The following NCKAP5 variants were observed in gnomAD, a reference collection of about 807,000 sequenced individuals.
NCKAP5 encodes the protein NCK associated protein 5.
A neutral mutation model predicts 167.0 loss-of-function variants in NCKAP5; 92 were observed. That is an observed-to-expected ratio of 0.55 (90% CI 0.47 to 0.66). The LOEUF (loss-of-function observed/expected upper bound fraction) is 0.66. Ranked by LOEUF, NCKAP5 falls within the 30% of genes least tolerant of loss-of-function variation. The pLI, the probability that NCKAP5 is intolerant of heterozygous loss-of-function variation, is 0.00. For missense variants in NCKAP5, 2,378 were observed against 2,315.0 expected, an observed-to-expected ratio of 1.03 and a Z score of -0.56; for synonymous variants, 891 against 877.4, an observed-to-expected ratio of 1.02 and a Z score of -0.27.
At chr2:133,611,673 T>A in the NCKAP5 span, among the ~76,000 whole-genome samples, 2 of 152,164 alleles carry the variant, frequency 1.3e-5, no homozygotes, top group African/African-American at 4.8e-5. Flanking sequence ...AAAGGCTGGG[T>A]GGGGTGTGGC....
intron 19 of NCKAP5, among the ~76,000 whole-genome samples, chr2:132,695,281 C>T (rs562523384): frequency 4.7e-5 from 7 of 150,232 alleles, no homozygotes; most frequent in East Asian, 1.9e-4. Context: ...TTTCTCTAAA[C>T]GGAAAAAAAA....
At chr2:133,385,535 T>C (rs1453923494) in intron 3 of NCKAP5, among the ~76,000 whole-genome samples, 1 of 152,232 alleles carries the variant, frequency 6.6e-6, no homozygotes, top group Non-Finnish European at 1.5e-5. Flanking sequence ...CTGCCAGGCC[T>C]GGGTATCAGG....
intron 16 of NCKAP5, among the ~76,000 whole-genome samples, chr2:132,752,630 T>A (rs1404903018): frequency 6.6e-6 from 1 of 152,228 alleles, no homozygotes; most frequent in Non-Finnish European, 1.5e-5. Flanking sequence ...CTTCCTCTAG[T>A]TGATATTCTA....
At chr2:132,840,549 T>G (rs1249495693) in intron 11 of NCKAP5, among the ~76,000 whole-genome samples, 1 of 152,176 alleles carries the variant, frequency 6.6e-6, no homozygotes, top group African/African-American at 2.4e-5. Context: ...AGTGCTGGGA[T>G]TACAGGTGTA....
rs1683400901 is a variant in NCKAP5, at chr2:132,784,776, T to C, written c.2035A>G (p.Ile679Val). Residue 679 changes from isoleucine (I) to valine (V), a missense_variant, in exon 14 of 20, where the codon ATT (isoleucine) becomes GTT (valine). Around this residue, in one of 3 missense-constraint regions of NCKAP5, gnomAD observed 1,049 missense variants for 1,023.4 expected, o/e 1.02. Transcript: ENST00000409261. ...VIFDAEDGEP[I>V]EFSSHQTGVV... ...CCAGTCTGGTGAGAGCTGAATTCAA[T>C]GGGCTCACCGTCTTCCGCATCAAAT... The C allele has an allele frequency of 2.5e-6, 4 of 1,610,988 alleles. No homozygotes were observed. Among genetic ancestry groups the C allele is most frequent in the African/African-American group, 1.3e-5 (1 of 74,830 alleles).
chr2:132,813,664 C>T (rs1034364436), intron 11 of NCKAP5, among the ~76,000 whole-genome samples: 1 of 152,144 alleles, frequency 6.6e-6, no homozygotes, highest in Admixed American at 6.5e-5. Flanking sequence ...AGAAACCATA[C>T]GTGGGCCCTG....
chr2:132,875,796 G>T (rs1203725204), intron 9 of NCKAP5, among the ~76,000 whole-genome samples: 1 of 152,172 alleles, frequency 6.6e-6, no homozygotes, highest in African/African-American at 2.4e-5. Context: ...TGTACTGCAA[G>T]GCTGAGAGAT....
At chr2:133,418,726 T>C (rs1299196883) in intron 3 of NCKAP5, among the ~76,000 whole-genome samples, 1 of 152,168 alleles carries the variant, frequency 6.6e-6, no homozygotes, top group Non-Finnish European at 1.5e-5. Context: ...GTCATTTCAA[T>C]TGGAAACGTT....
chr2:133,016,425 C>A (rs1467960060), intron 6 of NCKAP5, among the ~76,000 whole-genome samples: 1 of 152,094 alleles, frequency 6.6e-6, no homozygotes, highest in Non-Finnish European at 1.5e-5. Flanking sequence ...GTGCATTTCA[C>A]CAAAATCTGA....
chr2:133,642,819 T>A, the NCKAP5 span, among the ~76,000 whole-genome samples: 2 of 152,230 alleles, frequency 1.3e-5, no homozygotes, highest in African/African-American at 2.4e-5. Flanking sequence ...TAGCAGTAAA[T>A]AAATGTTATG....
chr2:133,174,451 C>A (rs2084372672), intron 5 of NCKAP5, among the ~76,000 whole-genome samples: 1 of 152,100 alleles, frequency 6.6e-6, no homozygotes, highest in Non-Finnish European at 1.5e-5. Context: ...TAGGCAAATT[C>A]TATTATTCCT....
intron 19 of NCKAP5, among the ~76,000 whole-genome samples, chr2:132,687,432 A>T: frequency 6.6e-6 from 1 of 152,150 alleles, no homozygotes; most frequent in Non-Finnish European, 1.5e-5. Flanking sequence ...AGAGTTTCAG[A>T]TAGTTAAATG....
rs540534643 is a variant in NCKAP5 at position 132,795,378 on chromosome 2, G to A, written c.909+1250C>T. On this transcript the variant is annotated intron_variant, in intron 12 of 19. Coordinates refer to ENST00000409261, the MANE Select transcript of NCKAP5 (RefSeq NM_207363.3). ...TTATCTTAATTATGTTGATTTAACA[G>A]GGAAAAATACAACCTGTCTTCTGCA... is the stretch of plus-strand genomic sequence containing the variant. 1.7e-4 allele frequency among the ~76,000 whole-genome samples: 26 copies of A among 152,244 alleles called. No homozygotes were observed. In the South Asian group the frequency reaches 5.4e-3, roughly 32 times the overall value.
At chr2:133,632,425 G>A in the NCKAP5 span, among the ~76,000 whole-genome samples, 51 of 152,250 alleles carry the variant, frequency 3.3e-4, no homozygotes, top group Non-Finnish European at 6.6e-4. Context: ...AATGCAGGGG[G>A]AAAAAAAGAC....
At chr2:133,469,101 A>C (rs1300749683) in intron 3 of NCKAP5, among the ~76,000 whole-genome samples, 2 of 150,016 alleles carry the variant, frequency 1.3e-5, no homozygotes, top group Non-Finnish European at 3.0e-5. Flanking sequence ...GTTTCTTCCT[A>C]GTCTCGATGG....
chr2:133,547,614 G>T (rs1271882186), intron 2 of NCKAP5, among the ~76,000 whole-genome samples: 1 of 151,400 alleles, frequency 6.6e-6, no homozygotes, highest in African/African-American at 2.4e-5. Flanking sequence ...CCCAGCAGGG[G>T]CACACTGACA....
intron 3 of NCKAP5, among the ~76,000 whole-genome samples, chr2:133,499,328 C>G (rs1682264155): frequency 6.6e-6 from 1 of 152,150 alleles, no homozygotes; most frequent in African/African-American, 2.4e-5. Flanking sequence ...CGTTAAACGT[C>G]TATCACAGAA....
At chr2:133,600,956 T>C in the NCKAP5 span, among the ~76,000 whole-genome samples, 5,988 of 152,278 alleles carry the variant, frequency 0.039, 401 homozygotes, top group African/African-American at 0.14. Context: ...TTCTGAGACA[T>C]AGGCATCTTG....
chr2:133,109,203 A>T (rs1360698968), intron 6 of NCKAP5, among the ~76,000 whole-genome samples: 4 of 152,222 alleles, frequency 2.6e-5, no homozygotes, highest in Non-Finnish European at 2.9e-5. Context: ...TAGAATTAAG[A>T]TACCACTTAC....
Sources: gnomAD v4.1 joint callset for allele counts (sites outside exome capture counted in the v4.1 genomes callset) on GRCh38, gnomAD v4.1.1 for gene constraint, gnomAD v4.1.1 regional missense constraint, MANE v1.5 for transcripts, NCBI Gene and HGNC (gene_info 2026-07-23, HGNC 2026-07-21) for gene names.